Variants in CCDC198 observed in about 807,000 individuals in gnomAD.
The protein encoded by CCDC198 is factor associated with metabolism and energy.
Under a neutral mutation model 35.6 loss-of-function variants are expected in CCDC198, and 18 were observed. The observed-to-expected ratio is 0.51, with a 90% CI of 0.35 to 0.75. CCDC198 has a LOEUF of 0.75. Among genes scored for constraint, CCDC198 ranks in the 30% least tolerant of loss-of-function variants. The pLI, the probability that CCDC198 is intolerant of heterozygous loss-of-function variation, is 0.01. For synonymous variants in CCDC198, 119 were observed against 113.4 expected (o/e 1.05, Z -0.31); for missense variants, 365 against 343.7 (o/e 1.06, Z -0.49).
At position 57,469,489 on chromosome 14, in the gene CCDC198, C is replaced by T. The variant is rs1594769813; in HGVS notation, c.*1866G>A. The T allele has an allele frequency of 6.6e-6, 1 of 152,130 alleles. No individual in the cohort carries two copies. The highest frequency in any genetic ancestry group is 1.5e-5 in the Non-Finnish European group (1 of 68,022). 9.4% of individuals were successfully genotyped at this position (152,130 alleles called of 1,614,324 possible). A position where few individuals can be genotyped will look rare whatever the true frequency, so the allele number is the denominator to read the frequency against. On this transcript the variant is annotated 3_prime_UTR_variant, in exon 6 of 6. Coordinates refer to ENST00000216445, the MANE Select transcript of CCDC198 (RefSeq NM_018168.4). ...GAATGGTGAAGACGTGCCTTTGGCT[C>T]CACTAATTTTAGTGTTCAAAGTTAT... is the stretch of plus-strand genomic sequence containing the variant.
At chr14:57,493,357 T>G in intron 1 of CCDC198, 136 bp downstream of exon 1, 2 of 728,236 alleles carry the variant, frequency 2.7e-6, no homozygotes, top group Non-Finnish European at 4.5e-6. Flanking sequence ...AAGATTTGAG[T>G]TTTCAAAGAT....
intron 5 of CCDC198, among the ~76,000 whole-genome samples, chr14:57,474,766 A>G (rs1283938892): frequency 6.6e-6 from 1 of 152,228 alleles, no homozygotes; most frequent in Non-Finnish European, 1.5e-5. Flanking sequence ...TGAGCAGAGT[A>G]AAGGAAAGTG....
chr14:57,493,688 G>A lies in CCDC198; in HGVS notation c.28C>T (p.Leu10Phe). 6.2e-7 allele frequency: 1 copy of A among 1,613,506 alleles called. No individual in the cohort carries two copies. Among genetic ancestry groups the A allele is most frequent in the Non-Finnish European group, 8.5e-7 (1 of 1,179,692 alleles). Reference sequence around the variant, plus strand: ...AAAGGTGCTACTTTGATCACCCTAAGGTGAGTCTTAGAGTGACTCAGGCCC... The same window carrying A: ...AAAGGTGCTACTTTGATCACCCTAAAGTGAGTCTTAGAGTGACTCAGGCCC... MGLSHSKTH[L>F]RVIKVAPLQN... Residue 10 changes from leucine to phenylalanine, a missense_variant, in exon 1 of 6, where the codon CTT becomes TTT. By Grantham distance (22) the Leu-to-Phe change is conservative. Transcript: ENST00000216445.
chr14:57,482,671 A>C (rs1462905861), intron 3 of CCDC198, among the ~76,000 whole-genome samples: 1 of 152,230 alleles, frequency 6.6e-6, no homozygotes, highest in East Asian at 1.9e-4. Context: ...ACTTGTAGAT[A>C]AGATTTCTCC....
chr14:57,470,459 G>T lies in CCDC198; in HGVS notation c.*896C>A, dbSNP rs554607441. 6.6e-6 allele frequency: 1 copy of T among 151,944 alleles called. No homozygotes were observed. The highest frequency in any genetic ancestry group is 1.5e-5 in the Non-Finnish European group (1 of 67,972). 9.4% of individuals were successfully genotyped at this position (151,944 alleles called of 1,614,324 possible). A position where few individuals can be genotyped will look rare whatever the true frequency, so the allele number is the denominator to read the frequency against. On this transcript the variant is annotated 3_prime_UTR_variant, in exon 6 of 6. Transcript: ENST00000216445. Reference sequence around the variant, plus strand: ...AAGCAATTCTTTTGCCTCAGCCTTCGCATCAAGTAGCTGGGATTACAGACG... The same window carrying T: ...AAGCAATTCTTTTGCCTCAGCCTTCTCATCAAGTAGCTGGGATTACAGACG...
intron 5 of CCDC198, among the ~76,000 whole-genome samples, chr14:57,479,958 C>T (rs1257408691): frequency 1.3e-5 from 2 of 152,068 alleles, no homozygotes; most frequent in African/African-American, 2.4e-5. Context: ...CAGGGCTATA[C>T]CTAAGGCAAT....
At chr14:57,482,368 A>C (rs1398862590) in intron 3 of CCDC198, among the ~76,000 whole-genome samples, 1 of 152,166 alleles carries the variant, frequency 6.6e-6, no homozygotes, top group African/African-American at 2.4e-5. Flanking sequence ...TGTGAACCTC[A>C]GGGAGGGGCC....
chr14:57,480,176 G>A (rs774805777), intron 5 of CCDC198: 28 of 662,280 alleles, frequency 4.2e-5, no homozygotes, highest in Middle Eastern at 1.5e-3. Flanking sequence ...GACCTCCACA[G>A]AAAAGGGTGC....
intron 1 of CCDC198, among the ~76,000 whole-genome samples, chr14:57,491,939 TCTAA>T (rs2067586521): frequency 6.6e-6 from 1 of 152,120 alleles, no homozygotes; most frequent in Non-Finnish European, 1.5e-5. Context: ...CTTTGTTCTC[TCTAA>T]CTTTTAGTGG....
chr14:57,490,871 A>G, intron 2 of CCDC198, 118 bp downstream of exon 2: 1 of 965,596 alleles, frequency 1.0e-6, no homozygotes, highest in East Asian at 2.6e-5. Context: ...TTCTTTAAGA[A>G]CATTCTCATT....
At position 57,471,124 on chromosome 14, in the gene CCDC198, T is replaced by G. The variant is rs2066806261; in HGVS notation, c.*231A>C. The G allele has an allele frequency of 4.7e-6, 2 of 425,102 alleles. No individual in the cohort carries two copies. The highest frequency in any genetic ancestry group is 8.4e-5 in the Admixed American group (2 of 23,948). 26.3% of individuals were successfully genotyped at this position (425,102 alleles called of 1,614,324 possible). A position where few individuals can be genotyped will look rare whatever the true frequency, so the allele number is the denominator to read the frequency against. On this transcript the variant is annotated 3_prime_UTR_variant, in exon 6 of 6. Coordinates refer to ENST00000216445, the MANE Select transcript of CCDC198 (RefSeq NM_018168.4). ...CTGAACTCAGCAACCCACAGGAAAG[T>G]GAGACAATAAAATGGCTCTTGGTTA... is the stretch of plus-strand genomic sequence containing the variant.
At chr14:57,475,009 C>A (rs1223008592) in intron 5 of CCDC198, among the ~76,000 whole-genome samples, 1 of 152,202 alleles carries the variant, frequency 6.6e-6, no homozygotes. Flanking sequence ...CGCCTGTAAT[C>A]CCAGCACTTT....
intron 2 of CCDC198, among the ~76,000 whole-genome samples, chr14:57,484,171 A>G (rs1283066597): frequency 6.6e-6 from 1 of 152,220 alleles, no homozygotes; most frequent in Non-Finnish European, 1.5e-5. Context: ...CTAGCCCTCC[A>G]TACCTCAGAA....
At chr14:57,481,114 G>T (rs917937941) in intron 4 of CCDC198, among the ~76,000 whole-genome samples, 2 of 152,154 alleles carry the variant, frequency 1.3e-5, no homozygotes, top group Non-Finnish European at 2.9e-5. Context: ...GGCATTACTG[G>T]TAAAGGGTTT....
intron 4 of CCDC198, 73 bp from the exon 5 acceptor site, chr14:57,480,827 C>A: frequency 2.7e-6 from 4 of 1,508,798 alleles, no homozygotes; most frequent in Middle Eastern, 3.5e-4. Flanking sequence ...AACAGATCAG[C>A]CACTTTGCAA....
At chr14:57,481,474 G>C (rs2067183203) in intron 4 of CCDC198, 85 bp downstream of exon 4, 1 of 891,024 alleles carries the variant, frequency 1.1e-6, no homozygotes, top group African/African-American at 1.7e-5. Flanking sequence ...GTAAAGACTG[G>C]CTATCTATGC....
chr14:57,486,229 C>T (rs1257061041), intron 2 of CCDC198, among the ~76,000 whole-genome samples: 3 of 152,140 alleles, frequency 2.0e-5, no homozygotes, highest in African/African-American at 4.8e-5. Flanking sequence ...TATATGCCTT[C>T]GCAGCCATTA....
At chr14:57,475,424 T>G (rs1020124978) in intron 5 of CCDC198, 1 of 1,192,224 alleles carries the variant, frequency 8.4e-7, no homozygotes, top group Non-Finnish European at 1.1e-6. Flanking sequence ...CTGAAGCATA[T>G]GACTGTTTTC....
At chr14:57,491,337 AAATTAC>A (rs1424371253) in intron 1 of CCDC198, among the ~76,000 whole-genome samples, 2 of 152,104 alleles carry the variant, frequency 1.3e-5, no homozygotes, top group African/African-American at 4.8e-5. Flanking sequence ...GAGAGTTACA[AAATTAC>A]CAATATGTTG....
Sources: allele counts gnomAD v4.1 joint callset (sites outside exome capture counted in the v4.1 genomes callset), GRCh38; gene constraint gnomAD v4.1.1; transcripts MANE v1.5; gene names NCBI Gene and HGNC (gene_info 2026-07-23, HGNC 2026-07-21).